KIF26B: variants seen among roughly 807,000 people sequenced by gnomAD.
The protein encoded by KIF26B is kinesin family member 26B.
A neutral mutation model predicts 151.2 loss-of-function variants in KIF26B; 63 were observed. The observed-to-expected ratio is 0.42, with a 90% CI of 0.34 to 0.51. The LOEUF (loss-of-function observed/expected upper bound fraction) is 0.51, where lower values mean the gene tolerates loss of function less well. KIF26B is among the 20% of genes least tolerant of loss of function. The pLI is 0.07. For synonymous variants in KIF26B, 1,357 were observed against 1,262.1 expected, an observed-to-expected ratio of 1.08 and a Z score of -1.59; for missense variants, 2,813 against 2,913.6, an observed-to-expected ratio of 0.97 and a Z score of 0.79.
intron 4 of KIF26B, among the ~76,000 whole-genome samples, chr1:245,491,157 A>G (rs774728240): frequency 2.0e-5 from 3 of 151,936 alleles, no homozygotes; most frequent in Non-Finnish European, 4.4e-5. Context: ...TTAAGACAGC[A>G]TATTTGTTCT....
chr1:245,424,126 G>A (rs1658566553), intron 4 of KIF26B, among the ~76,000 whole-genome samples: 1 of 151,712 alleles, frequency 6.6e-6, no homozygotes, highest in Non-Finnish European at 1.5e-5. Flanking sequence ...TTATAGTCAT[G>A]AGCCACTGCA....
intron 5 of KIF26B, among the ~76,000 whole-genome samples, chr1:245,565,582 G>A (rs111288945): frequency 6.6e-5 from 10 of 152,274 alleles, no homozygotes; most frequent in South Asian, 2.1e-4. Context: ...GAGCCACTGC[G>A]CCGAGCCTCT....
chr1:245,457,938 A>T (rs1394213455), intron 4 of KIF26B, among the ~76,000 whole-genome samples: 4 of 152,154 alleles, frequency 2.6e-5, no homozygotes, highest in African/African-American at 9.7e-5. Flanking sequence ...ATAGGTATGG[A>T]TCTCCTTCTT....
rs116198221 is a variant in KIF26B at position 245,560,520 on chromosome 1, G to A, written c.1350+19570G>A. Among the ~76,000 whole-genome samples, 2,104 of 151,360 alleles carry A rather than the reference G, an allele frequency of 0.014. 20 individuals are homozygous for A. The highest frequency in any genetic ancestry group is 0.023 in the Admixed American group (352 of 15,192). Reference sequence around the variant, plus strand: ...GTGTTGATCTCCTTATGATACTCTCGGTTCCTAATTATGTTAGAAAAAAAA... The same window carrying A: ...GTGTTGATCTCCTTATGATACTCTCAGTTCCTAATTATGTTAGAAAAAAAA... On this transcript the variant is annotated intron_variant, in intron 5 of 14. Coordinates refer to ENST00000407071, the MANE Select transcript of KIF26B (RefSeq NM_018012.4). The surrounding 1 kb of genome is among the most constrained non-coding windows in gnomAD (Gnocchi z 4.3).
intron 4 of KIF26B, among the ~76,000 whole-genome samples, chr1:245,427,549 G>A (rs896942511): frequency 1.3e-5 from 2 of 152,116 alleles, no homozygotes; most frequent in East Asian, 1.9e-4. Flanking sequence ...TGGAGGTTGC[G>A]GTGAGCCAAG....
At chr1:245,424,612 G>A (rs745505152) in intron 4 of KIF26B, among the ~76,000 whole-genome samples, 1 of 152,176 alleles carries the variant, frequency 6.6e-6, no homozygotes, top group East Asian at 1.9e-4. Context: ...TGAATAAGCA[G>A]TGTGTGGTCT....
chr1:245,372,025 G>A (rs536636565), intron 3 of KIF26B, among the ~76,000 whole-genome samples: 9 of 114,864 alleles, frequency 7.8e-5, no homozygotes, highest in African/African-American at 1.1e-4. Flanking sequence ...ATTCTCTAGC[G>A]CAGGGGTCCC....
intron 9 of KIF26B, among the ~76,000 whole-genome samples, chr1:245,642,744 T>G (rs2103182666): frequency 6.6e-6 from 1 of 151,992 alleles, no homozygotes; most frequent in Non-Finnish European, 1.5e-5. Context: ...ACTGAAGGGG[T>G]CAGTCTCAGC....
At chr1:245,442,267 C>T in intron 4 of KIF26B, among the ~76,000 whole-genome samples, 1 of 152,166 alleles carries the variant, frequency 6.6e-6, no homozygotes, top group East Asian at 1.9e-4. Flanking sequence ...GCGAGAGTTG[C>T]TTCCTGTCCG....
intron 3 of KIF26B, among the ~76,000 whole-genome samples, chr1:245,369,589 G>A (rs1244359994): frequency 1.3e-5 from 2 of 152,206 alleles, no homozygotes; most frequent in Non-Finnish European, 2.9e-5. Flanking sequence ...GGTGGGGCAG[G>A]TGTTAGATCT....
chr1:245,630,730 C>T (rs1446843309), intron 9 of KIF26B, among the ~76,000 whole-genome samples: 2 of 152,016 alleles, frequency 1.3e-5, no homozygotes, highest in African/African-American at 4.8e-5. Flanking sequence ...GCACATGTAT[C>T]CCAGAACTTG....
At chr1:245,222,160 C>T (rs983455680) in intron 2 of KIF26B, among the ~76,000 whole-genome samples, 6 of 152,178 alleles carry the variant, frequency 3.9e-5, no homozygotes, top group South Asian at 2.1e-4. Flanking sequence ...TGGTCTGGGC[C>T]GGGCCTGGTG....
rs2043524179 is a variant in KIF26B, at chr1:245,611,770, ATC to A, written c.1915-19_1915-18del. ...CAAGCCCTCCTCAGCCTGCAGCCTCATCTCTTGGCTTCTGTCTTCCAGCTGCA... is the reference window on the plus strand; with the variant it reads ...CAAGCCCTCCTCAGCCTGCAGCCTCATCTTGGCTTCTGTCTTCCAGCTGCA... On this transcript the variant is annotated intron_variant, in intron 8 of 14. Transcript: ENST00000407071. 3 of 1,609,860 alleles carry A rather than the reference ATC, an allele frequency of 1.9e-6. No individual in the cohort carries two copies. In the African/African-American group the frequency reaches 4.0e-5, roughly 21 times the overall value.
chr1:245,481,429 T>G (rs1413879651), intron 4 of KIF26B, among the ~76,000 whole-genome samples: 2 of 151,878 alleles, frequency 1.3e-5, no homozygotes, highest in Non-Finnish European at 2.9e-5. Flanking sequence ...AATATCAGGC[T>G]TCTGTGTTTG....
intron 4 of KIF26B, among the ~76,000 whole-genome samples, chr1:245,522,556 T>C (rs1419372787): frequency 1.3e-5 from 2 of 152,162 alleles, no homozygotes; most frequent in East Asian, 3.9e-4. Context: ...CATAAGAATC[T>C]AGTTTCAGCT....
At chr1:245,501,205 T>C (rs905967443) in intron 4 of KIF26B, among the ~76,000 whole-genome samples, 1 of 152,206 alleles carries the variant, frequency 6.6e-6, no homozygotes. Flanking sequence ...GCCACCTGGG[T>C]CCAGATCTTG....
chr1:245,367,007 C>G lies in KIF26B; in HGVS notation c.639C>G (p.His213Gln). 1 of 1,613,314 alleles carries G rather than the reference C, an allele frequency of 6.2e-7. No individual in the cohort carries two copies. The highest frequency in any genetic ancestry group is 8.5e-7 in the Non-Finnish European group (1 of 1,179,684). Residue 213 changes from histidine (H) to glutamine (Q), a missense_variant, in exon 3 of 15, where the codon CAC becomes CAG. Physicochemically the swap from His to Gln is conservative, Grantham distance 24 (BLOSUM62 0). This residue lies in a region of KIF26B where 676 missense variants were observed against 688.1 expected (regional missense o/e 0.98). Coordinates refer to ENST00000407071, the MANE Select transcript of KIF26B (RefSeq NM_018012.4). The surrounding 1 kb of genome is among the most constrained non-coding windows in gnomAD (Gnocchi z 4.2). ...LTLEQAAGSE[H>Q]YDASPCSPPP... ...TGGAGCAGGCAGCCGGCAGTGAGCACTACGACGCCTCGCCCTGCTCCCCGC... is the reference window on the plus strand; with the variant it reads ...TGGAGCAGGCAGCCGGCAGTGAGCAGTACGACGCCTCGCCCTGCTCCCCGC...
intron 5 of KIF26B, among the ~76,000 whole-genome samples, chr1:245,585,696 C>A (rs967032239): frequency 1.3e-5 from 2 of 152,212 alleles, no homozygotes; most frequent in East Asian, 3.8e-4. Context: ...GTCTCTGATT[C>A]TTTCCATGAA....
intron 3 of KIF26B, among the ~76,000 whole-genome samples, chr1:245,409,185 A>G (rs1213213167): frequency 2.0e-5 from 3 of 152,236 alleles, no homozygotes; most frequent in Non-Finnish European, 2.9e-5. Flanking sequence ...TGCAAGCTTC[A>G]TGGTGGGACC....
Sources: allele counts gnomAD v4.1 joint callset (sites outside exome capture counted in the v4.1 genomes callset), GRCh38; gene constraint gnomAD v4.1.1; regional missense constraint gnomAD v4.1.1; non-coding constraint Gnocchi (gnomAD v3.1); transcripts MANE v1.5; gene names NCBI Gene and HGNC (gene_info 2026-07-23, HGNC 2026-07-21).